The following VEGFC variants were observed in gnomAD, a reference collection of about 807,000 sequenced individuals.
VEGFC encodes the protein vascular endothelial growth factor C.
A neutral mutation model predicts 46.1 loss-of-function variants in VEGFC; 12 were observed. The observed-to-expected ratio is 0.26, with a 90% CI of 0.17 to 0.42. VEGFC has a LOEUF of 0.42. Ranked by LOEUF, VEGFC falls within the 10% of genes least tolerant of loss-of-function variation. The pLI is 1.00. For missense variants in VEGFC, 488 were observed against 529.4 expected (o/e 0.92, Z 0.77); for synonymous variants, 232 against 195.5 (o/e 1.19, Z -1.56).
chr4:176,695,668 C>G (rs1301512675), intron 4 of VEGFC, among the ~76,000 whole-genome samples: 1 of 152,060 alleles, frequency 6.6e-6, no homozygotes, highest in Non-Finnish European at 1.5e-5. Context: ...CAGGCAGAGA[C>G]ACAACAAAAA....
intron 1 of VEGFC, among the ~76,000 whole-genome samples, chr4:176,769,304 C>T (rs1459296973): frequency 6.6e-6 from 1 of 152,124 alleles, no homozygotes; most frequent in Non-Finnish European, 1.5e-5. Flanking sequence ...CCCTGTGACC[C>T]TGTGTGGCAT....
intron 4 of VEGFC, among the ~76,000 whole-genome samples, chr4:176,710,885 T>C (rs903323490): frequency 6.6e-6 from 1 of 152,012 alleles, no homozygotes; most frequent in African/African-American, 2.4e-5. Flanking sequence ...AAAAATAGGA[T>C]GGAAAGGAAA....
intron 1 of VEGFC, among the ~76,000 whole-genome samples, chr4:176,760,931 C>A (rs976599066): frequency 2.0e-5 from 3 of 152,124 alleles, no homozygotes; most frequent in Admixed American, 6.6e-5. Context: ...TCGCACATGG[C>A]AAAATCATAC....
intron 1 of VEGFC, among the ~76,000 whole-genome samples, chr4:176,785,578 T>C (rs951917509): frequency 2.0e-5 from 3 of 152,206 alleles, no homozygotes; most frequent in East Asian, 1.9e-4. Context: ...TCTGGTCTCA[T>C]TTTTAGCAGA....
At chr4:176,702,564 A>C (rs1246691457) in intron 4 of VEGFC, among the ~76,000 whole-genome samples, 1 of 152,138 alleles carries the variant, frequency 6.6e-6, no homozygotes, top group Non-Finnish European at 1.5e-5. Flanking sequence ...AAAGCTTTAG[A>C]ATCACAGTAT....
chr4:176,741,877 T>A (rs1735181924), intron 1 of VEGFC, among the ~76,000 whole-genome samples: 1 of 151,984 alleles, frequency 6.6e-6, no homozygotes, highest in African/African-American at 2.4e-5. Flanking sequence ...CTCCTCCTCC[T>A]TCTTCATGTA....
At chr4:176,700,608 G>T (rs1425734280) in intron 4 of VEGFC, among the ~76,000 whole-genome samples, 2 of 152,056 alleles carry the variant, frequency 1.3e-5, no homozygotes, top group Non-Finnish European at 2.9e-5. Context: ...TGGGGATGGG[G>T]ACACAGGGAG....
chr4:176,791,476 A>C (rs1232199647), intron 1 of VEGFC, among the ~76,000 whole-genome samples: 1 of 152,050 alleles, frequency 6.6e-6, no homozygotes, highest in African/African-American at 2.4e-5. Flanking sequence ...AAACAAACAA[A>C]AAACCCAAAC....
intron 4 of VEGFC, among the ~76,000 whole-genome samples, chr4:176,707,702 T>A (rs577087026): frequency 3.9e-5 from 6 of 152,168 alleles, no homozygotes; most frequent in African/African-American, 1.4e-4. Flanking sequence ...TTCTATTTGG[T>A]TTTATTGGCC....
chr4:176,728,323 A>G (rs535045299), intron 2 of VEGFC, among the ~76,000 whole-genome samples: 1 of 152,288 alleles, frequency 6.6e-6, no homozygotes, highest in African/African-American at 2.4e-5. Context: ...AGAGAGAGTC[A>G]TGTTCATTCT....
chr4:176,687,682 C>A, intron 5 of VEGFC, 139 bp downstream of exon 5: 1 of 936,998 alleles, frequency 1.1e-6, no homozygotes, highest in Non-Finnish European at 1.6e-6. Flanking sequence ...ATAATACCAA[C>A]GTGAAGTAGA....
chr4:176,763,371 T>A (rs965998842), intron 1 of VEGFC, among the ~76,000 whole-genome samples: 3 of 151,890 alleles, frequency 2.0e-5, no homozygotes, highest in Non-Finnish European at 1.5e-5. Context: ...AAACTATAGT[T>A]AACATGAATG....
chr4:176,774,237 T>C (rs191232951), intron 1 of VEGFC, among the ~76,000 whole-genome samples: 12 of 149,048 alleles, frequency 8.1e-5, no homozygotes, highest in African/African-American at 2.9e-4. Context: ...TTAATATTAA[T>C]TTAGCAGATA....
At chr4:176,689,690 T>A (rs1176733177) in intron 4 of VEGFC, 1 of 152,186 alleles carries the variant, frequency 6.6e-6, no homozygotes, top group Non-Finnish European at 1.5e-5. Flanking sequence ...ATTATGGGTC[T>A]TTTATTTATT....
chr4:176,762,676 T>C (rs950891220), intron 1 of VEGFC, among the ~76,000 whole-genome samples: 4 of 152,216 alleles, frequency 2.6e-5, no homozygotes, highest in African/African-American at 9.7e-5. Context: ...ACATATGTAC[T>C]TCCATATGTT....
At chr4:176,687,984 ATCTCT>A in intron 4 of VEGFC, 57 bp from the exon 5 acceptor site, 2 of 916,618 alleles carry the variant, frequency 2.2e-6, no homozygotes, top group Non-Finnish European at 3.5e-6. Context: ...AGAAGGGACC[ATCTCT>A]GCTCACATAT....
chr4:176,716,356 C>T (rs1260881959), intron 3 of VEGFC, among the ~76,000 whole-genome samples: 1 of 151,780 alleles, frequency 6.6e-6, no homozygotes, highest in Non-Finnish European at 1.5e-5. Context: ...GTGGGAGGAT[C>T]ACTTGAGGTC....
rs1734060063 is a variant in VEGFC at position 176,687,329 on chromosome 4, C to T, written c.1003G>A (p.Asp335Asn). 2 of 1,614,026 alleles carry T rather than the reference C, an allele frequency of 1.2e-6. No homozygotes were observed. Among genetic ancestry groups the T allele is most frequent in the South Asian group, 2.2e-5 (2 of 91,084 alleles). The change falls in exon 6 of 7, where the codon GAT becomes AAT. Residue 335 changes from aspartate to asparagine, a missense_variant. By Grantham distance (23) the Asp-to-Asn change is conservative. Coordinates refer to ENST00000618562, the MANE Select transcript of VEGFC (RefSeq NM_005429.5). Reference protein sequence around the residue: ...PSQCGANREFDENTCQCVCKR... With the variant: ...PSQCGANREFNENTCQCVCKR... ...CATACACACTGGCATGTGTTTTCAT[C>T]AAATTCTCGGTTGGCCCCACATTGG...
chr4:176,782,277 A>G (rs1268220262), intron 1 of VEGFC, among the ~76,000 whole-genome samples: 1 of 152,202 alleles, frequency 6.6e-6, no homozygotes, highest in Non-Finnish European at 1.5e-5. Context: ...AGCCTGGGCA[A>G]CTTAGTGAGA....
Sources: allele counts gnomAD v4.1 joint callset (sites outside exome capture counted in the v4.1 genomes callset), GRCh38; gene constraint gnomAD v4.1.1; transcripts MANE v1.5; gene names NCBI Gene and HGNC (gene_info 2026-07-23, HGNC 2026-07-21).